Variants in SAMD4A observed in about 807,000 individuals in gnomAD.
The protein encoded by SAMD4A is sterile alpha motif domain containing 4A.
Under a neutral mutation model 81.3 loss-of-function variants are expected in SAMD4A, and 33 were observed. That is an observed-to-expected ratio of 0.41 (90% CI 0.31 to 0.54). SAMD4A has a LOEUF of 0.54. Among genes scored for constraint, SAMD4A ranks in the 20% least tolerant of loss-of-function variants. SAMD4A has a pLI of 0.37. For missense variants in SAMD4A, 854 were observed against 951.1 expected, an observed-to-expected ratio of 0.90 and a Z score of 1.34; for synonymous variants, 389 against 382.1, an observed-to-expected ratio of 1.02 and a Z score of -0.21.
intron 2 of SAMD4A, among the ~76,000 whole-genome samples, chr14:54,586,965 A>T (rs1352066986): frequency 6.6e-6 from 1 of 152,008 alleles, no homozygotes; most frequent in Non-Finnish European, 1.5e-5. Flanking sequence ...TCTGTGAAGA[A>T]CGATGGTGGT....
intron 2 of SAMD4A, among the ~76,000 whole-genome samples, chr14:54,690,643 G>C (rs919827822): frequency 6.6e-6 from 1 of 152,120 alleles, no homozygotes. Flanking sequence ...GGCTATCTCT[G>C]ATACCACAAA....
At chr14:54,587,701 A>G (rs370761508) in intron 2 of SAMD4A, among the ~76,000 whole-genome samples, 54 of 152,276 alleles carry the variant, frequency 3.5e-4, no homozygotes, top group African/African-American at 1.1e-3. Context: ...ATGGACTTAC[A>G]TATGTTAAAT....
intron 2 of SAMD4A, among the ~76,000 whole-genome samples, chr14:54,592,486 G>C (rs1272317145): frequency 3.3e-5 from 5 of 151,834 alleles, no homozygotes; most frequent in African/African-American, 1.2e-4. Flanking sequence ...TTGATACCAA[G>C]TCTCGCTCTG....
intron 6 of SAMD4A, among the ~76,000 whole-genome samples, chr14:54,752,648 C>T (rs190111915): frequency 3.1e-4 from 47 of 152,192 alleles, no homozygotes; most frequent in African/African-American, 9.9e-4. Flanking sequence ...TATTTCTAAT[C>T]GGGCAGGACG....
At chr14:54,741,395 A>T (rs928037133) in intron 4 of SAMD4A, among the ~76,000 whole-genome samples, 2 of 152,244 alleles carry the variant, frequency 1.3e-5, no homozygotes, top group African/African-American at 4.8e-5. Context: ...GACTTAACAA[A>T]ATGCCACAGC....
intron 2 of SAMD4A, among the ~76,000 whole-genome samples, chr14:54,674,021 G>A (rs551617536): frequency 1.3e-5 from 2 of 152,280 alleles, no homozygotes; most frequent in Middle Eastern, 3.4e-3. Context: ...TAAGTCGGGG[G>A]AGTGATGAAA....
At chr14:54,662,433 G>A (rs561626762) in intron 2 of SAMD4A, among the ~76,000 whole-genome samples, 7 of 148,616 alleles carry the variant, frequency 4.7e-5, no homozygotes, top group South Asian at 2.1e-4. Flanking sequence ...TTCCTGAGAC[G>A]GAGTCTTGCT....
intron 2 of SAMD4A, among the ~76,000 whole-genome samples, chr14:54,679,542 C>T (rs1298080024): frequency 6.6e-6 from 1 of 152,120 alleles, no homozygotes; most frequent in Non-Finnish European, 1.5e-5. Context: ...AAGTGGAGGC[C>T]TTAGTTTATA....
intron 11 of SAMD4A, among the ~76,000 whole-genome samples, chr14:54,777,066 G>A (rs1326414061): frequency 1.3e-5 from 2 of 152,336 alleles, no homozygotes; most frequent in Non-Finnish European, 2.9e-5. Flanking sequence ...CTAAAACAGA[G>A]TGGTTGGAAT....
At chr14:54,643,170 C>A (rs1260512302) in intron 2 of SAMD4A, among the ~76,000 whole-genome samples, 5 of 152,252 alleles carry the variant, frequency 3.3e-5, no homozygotes, top group Non-Finnish European at 5.9e-5. Context: ...ACGCCATCTG[C>A]TGTTTACTCA....
At chr14:54,618,412 A>G (rs2034540151) in intron 2 of SAMD4A, among the ~76,000 whole-genome samples, 1 of 152,230 alleles carries the variant, frequency 6.6e-6, no homozygotes, top group Non-Finnish European at 1.5e-5. Flanking sequence ...TAATAAATTT[A>G]CAGTTCTTAG....
At chr14:54,742,346 G>GGGGC (rs2037864970) in intron 4 of SAMD4A, among the ~76,000 whole-genome samples, 2 of 152,092 alleles carry the variant, frequency 1.3e-5, no homozygotes, top group Admixed American at 1.3e-4. Flanking sequence ...TAGAATGGGG[G>GGGGC]GGGCAGCATG....
intron 3 of SAMD4A, among the ~76,000 whole-genome samples, chr14:54,718,483 T>A (rs939283704): frequency 2.0e-5 from 3 of 152,206 alleles, no homozygotes; most frequent in Non-Finnish European, 4.4e-5. Context: ...ATAGTGTGAC[T>A]CTTAGTAAAA....
chr14:54,685,182 G>A (rs1443503713), intron 2 of SAMD4A, among the ~76,000 whole-genome samples: 4 of 89,332 alleles, frequency 4.5e-5, no homozygotes, highest in Non-Finnish European at 7.2e-5. Flanking sequence ...TCACAATGTT[G>A]TGTGACCATC....
intron 2 of SAMD4A, among the ~76,000 whole-genome samples, chr14:54,671,053 C>T (rs903705147): frequency 1.3e-5 from 2 of 151,856 alleles, no homozygotes; most frequent in Admixed American, 1.3e-4. Context: ...TTGAATCAGA[C>T]ATGGATTCTG....
At chr14:54,642,983 C>G (rs921456354) in intron 2 of SAMD4A, among the ~76,000 whole-genome samples, 1 of 152,188 alleles carries the variant, frequency 6.6e-6, no homozygotes, top group Non-Finnish European at 1.5e-5. Flanking sequence ...GAAACAACCT[C>G]CCTTTCCCCA....
chr14:54,669,853 T>C (rs112147375), intron 2 of SAMD4A, among the ~76,000 whole-genome samples: 4,602 of 152,262 alleles, frequency 0.03, 84 homozygotes, highest in South Asian at 0.053. Context: ...AATCCCGGAG[T>C]GAATCGAATA....
At chr14:54,723,990 T>TTGGATGGATGGA (rs1212264117) in intron 3 of SAMD4A, among the ~76,000 whole-genome samples, 1 of 88,396 alleles carries the variant, frequency 1.1e-5, no homozygotes, top group Non-Finnish European at 2.7e-5. Context: ...TCAGCAAATA[T>TTGGATGGATGGA]TGGATGGATG....
At chr14:54,674,109 T>C (rs994857818) in intron 2 of SAMD4A, among the ~76,000 whole-genome samples, 1 of 152,214 alleles carries the variant, frequency 6.6e-6, no homozygotes, top group Non-Finnish European at 1.5e-5. Flanking sequence ...GCCAAAATAT[T>C]AAAGTGTGGC....
Sources: allele counts gnomAD v4.1 joint callset (sites outside exome capture counted in the v4.1 genomes callset), GRCh38; gene constraint gnomAD v4.1.1; transcripts MANE v1.5; gene names NCBI Gene and HGNC (gene_info 2026-07-23, HGNC 2026-07-21).